NUP205: variants seen among roughly 807,000 people sequenced by gnomAD.
NUP205 encodes the protein nuclear pore complex protein Nup205.
NUP205 carries 76 observed loss-of-function variants against 253.8 expected under a neutral mutation model. That is an observed-to-expected ratio of 0.30 (90% CI 0.25 to 0.36). NUP205 has a LOEUF of 0.36. Ranked by LOEUF, NUP205 falls within the 10% of genes least tolerant of loss-of-function variation. The pLI is 1.00. For missense variants in NUP205, 2,162 were observed against 2,425.5 expected (o/e 0.89, Z 2.28); for synonymous variants, 832 against 850.1 (o/e 0.98, Z 0.37).
At chr7:135,642,584 G>T (rs188777390) in intron 38 of NUP205, among the ~76,000 whole-genome samples, 3 of 152,180 alleles carry the variant, frequency 2.0e-5, no homozygotes, top group Non-Finnish European at 4.4e-5. Context: ...CAGGTAAAAG[G>T]CAGATCATTT....
chr7:135,601,035 T>A, intron 16 of NUP205, 66 bp downstream of exon 16: 2 of 774,434 alleles, frequency 2.6e-6, no homozygotes, highest in East Asian at 5.6e-5. Context: ...TATGGCTATG[T>A]TATATATAAA....
chr7:135,629,366 TGTG>T (rs1481340114), intron 34 of NUP205, among the ~76,000 whole-genome samples: 10 of 151,990 alleles, frequency 6.6e-5, no homozygotes, highest in Admixed American at 1.3e-4. Context: ...TATGGCCAGG[TGTG>T]GTGGCCCATG....
At chr7:135,594,244 G>A (rs1371080763) in intron 12 of NUP205, among the ~76,000 whole-genome samples, 3 of 151,882 alleles carry the variant, frequency 2.0e-5, no homozygotes, top group African/African-American at 7.3e-5. Context: ...GATTTAAGAT[G>A]CCTAGGTAAG....
At position 135,622,906 on chromosome 7, in the gene NUP205, A is replaced by G; in HGVS notation, c.4460A>G (p.Asp1487Gly). ...LMEVVCRDAC[D>G]GHEIGRMLAL... Reference sequence around the variant, plus strand: ...GAAGTGGTCTGTCGAGATGCTTGTGATGGTCATGAGATTGGAAGGGTAAAG... The same window carrying G: ...GAAGTGGTCTGTCGAGATGCTTGTGGTGGTCATGAGATTGGAAGGGTAAAG... Residue 1487 changes from aspartate (D) to glycine (G), a missense_variant, in exon 31 of 43, where the codon GAT (aspartate) becomes GGT (glycine). By Grantham distance (94) the Asp-to-Gly change is moderately conservative (BLOSUM62 -1). Around this residue, in one of 5 missense-constraint regions of NUP205, gnomAD observed 1,144 missense variants for 1,280.9 expected, o/e 0.89. Coordinates refer to ENST00000285968, the MANE Select transcript of NUP205 (RefSeq NM_015135.3). The G allele has an allele frequency of 6.2e-7, 1 of 1,614,104 alleles. No homozygotes were observed. Among genetic ancestry groups the G allele is most frequent in the Non-Finnish European group, 8.5e-7 (1 of 1,180,000 alleles).
rs1793996040 is a variant in NUP205 at position 135,603,010 on chromosome 7, A to G, written c.2702+16A>G. 3 of 1,585,452 alleles carry G rather than the reference A, an allele frequency of 1.9e-6. No individual in the cohort carries two copies. The highest frequency in any genetic ancestry group is 1.7e-5 in the Admixed American group (1 of 59,104). Reference sequence around the variant, plus strand: ...ACATTGCCAGGTAAGTTACCTTTGTAGGTAGAGAAATGAAGTAAACAGATA... The same window carrying G: ...ACATTGCCAGGTAAGTTACCTTTGTGGGTAGAGAAATGAAGTAAACAGATA... On this transcript the variant is annotated intron_variant, in intron 18 of 42. Coordinates refer to ENST00000285968, the MANE Select transcript of NUP205 (RefSeq NM_015135.3).
chr7:135,624,088 T>G (rs1471671560), intron 31 of NUP205, among the ~76,000 whole-genome samples: 1 of 152,128 alleles, frequency 6.6e-6, no homozygotes, highest in Non-Finnish European at 1.5e-5. Context: ...GGCCACCTTT[T>G]AAGTTATGTT....
chr7:135,618,483 T>C lies in NUP205; in HGVS notation c.3843T>C (p.His1281=), dbSNP rs993539051. The C allele has an allele frequency of 1.2e-6, 2 of 1,614,146 alleles. 1 individual carries two copies. Among genetic ancestry groups the C allele is most frequent in the Non-Finnish European group, 1.7e-6 (2 of 1,180,004 alleles). The part of the protein sequence containing the change: ...KLLQCLHAKR[H]ALESWRQLVE... ...TGCAGTGTCTTCATGCAAAACGTCATGCTCTGGAGTCGTGGAGGCAACTAG... is the reference window on the plus strand; with the variant it reads ...TGCAGTGTCTTCATGCAAAACGTCACGCTCTGGAGTCGTGGAGGCAACTAG... Residue 1281 remains histidine, a synonymous_variant, in exon 28 of 43, where the codon CAT becomes CAC. Coordinates refer to ENST00000285968, the MANE Select transcript of NUP205 (RefSeq NM_015135.3).
intron 3 of NUP205, among the ~76,000 whole-genome samples, chr7:135,576,026 T>C (rs1806140402): frequency 6.6e-6 from 1 of 152,072 alleles, no homozygotes; most frequent in South Asian, 2.1e-4. Context: ...GAGTTAGAAA[T>C]TGAGAGTTTG....
At chr7:135,626,588 A>T (rs1051599468) in intron 33 of NUP205, among the ~76,000 whole-genome samples, 1 of 152,254 alleles carries the variant, frequency 6.6e-6, no homozygotes, top group Middle Eastern at 3.4e-3. Flanking sequence ...GCCCAATGTT[A>T]TTATTATGTT....
At position 135,593,021 on chromosome 7, in the gene NUP205, T is replaced by C; in HGVS notation, c.1659T>C (p.Val553=). The C allele has an allele frequency of 6.2e-7, 1 of 1,614,156 alleles. No homozygotes were observed. The highest frequency in any genetic ancestry group is 1.1e-5 in the South Asian group (1 of 91,084). Residue 553 remains valine (V), a synonymous_variant, in exon 12 of 43, where the codon GTT becomes GTC. Coordinates refer to ENST00000285968, the MANE Select transcript of NUP205 (RefSeq NM_015135.3). ...TTCAGGGAGCAGGTGGCAGTCCTGT[T>C]TCCTGGGAACATTTCTTTCACTCCT... ...ENIQGAGGSP[V]SWEHFFHSLM...
chr7:135,636,488 C>A (rs1794813090), intron 36 of NUP205, among the ~76,000 whole-genome samples: 1 of 152,012 alleles, frequency 6.6e-6, no homozygotes, highest in Non-Finnish European at 1.5e-5. Flanking sequence ...GTACTCTCAC[C>A]CACAAAACCC....
At chr7:135,619,246 G>A (rs148020300) in intron 28 of NUP205, among the ~76,000 whole-genome samples, 177 bp from the exon 29 acceptor site, 199 of 151,984 alleles carry the variant, frequency 1.3e-3, no homozygotes, top group African/African-American at 4.6e-3. Flanking sequence ...GGAGGCTGAG[G>A]TGGGAAGACC....
chr7:135,597,306 A>G, intron 13 of NUP205, 62 bp from the exon 14 acceptor site: 1 of 1,207,170 alleles, frequency 8.3e-7, no homozygotes, highest in Non-Finnish European at 1.2e-6. Context: ...TATATTGCAA[A>G]GCCACTAATA....
chr7:135,572,909 T>C (rs540040128), intron 2 of NUP205, among the ~76,000 whole-genome samples: 6 of 152,160 alleles, frequency 3.9e-5, no homozygotes, highest in Non-Finnish European at 7.4e-5. Flanking sequence ...ATTTATAGGA[T>C]TGTGTTACCA....
intron 18 of NUP205, 97 bp from the exon 19 acceptor site, chr7:135,604,242 TG>T: frequency 1.0e-6 from 1 of 968,968 alleles, no homozygotes; most frequent in Non-Finnish European, 1.5e-6. Context: ...AAGTGCTGTA[TG>T]GGCAGGGGAA....
chr7:135,590,988 A>T (rs1470228550), intron 10 of NUP205, among the ~76,000 whole-genome samples: 1 of 152,240 alleles, frequency 6.6e-6, no homozygotes, highest in African/African-American at 2.4e-5. Flanking sequence ...AAATAGACTT[A>T]AAGAACAGGA....
intron 35 of NUP205, among the ~76,000 whole-genome samples, chr7:135,633,963 G>A (rs1383043674): frequency 2.0e-5 from 3 of 152,208 alleles, no homozygotes; most frequent in South Asian, 2.1e-4. Context: ...TGTCTTAAAC[G>A]CTCCCATTAG....
chr7:135,648,341 C>A, intron 42 of NUP205, 63 bp from the exon 43 acceptor site: 1 of 1,386,988 alleles, frequency 7.2e-7, no homozygotes, highest in Non-Finnish European at 9.5e-7. Flanking sequence ...AATTGGAAGA[C>A]TTAGAATAAA....
chr7:135,637,917 C>T lies in NUP205; in HGVS notation c.5137-14C>T. The T allele has an allele frequency of 6.3e-7, 1 of 1,596,002 alleles. No homozygotes were observed. Among genetic ancestry groups the T allele is most frequent in the Non-Finnish European group, 8.5e-7 (1 of 1,174,254 alleles). ...ATTTTAAATACATTTAACAAGATAT[C>T]TTTTTCTTGTTAGCGCCAGTGCTTA... is the stretch of plus-strand genomic sequence containing the variant. On this transcript the variant is annotated splice_polypyrimidine_tract_variant and intron_variant, in intron 36 of 42. Coordinates refer to ENST00000285968, the MANE Select transcript of NUP205 (RefSeq NM_015135.3).
Sources: allele counts gnomAD v4.1 joint callset (sites outside exome capture counted in the v4.1 genomes callset), GRCh38; gene constraint gnomAD v4.1.1; regional missense constraint gnomAD v4.1.1; transcripts MANE v1.5; gene names NCBI Gene and HGNC (gene_info 2026-07-23, HGNC 2026-07-21).